The following PARP8 variants were observed in gnomAD, a reference collection of about 807,000 sequenced individuals.
PARP8 encodes the protein protein mono-ADP-ribosyltransferase PARP8.
In PARP8, 51 loss-of-function variants were observed where a neutral mutation model predicts 124.1. The observed-to-expected ratio is 0.41, with a 90% CI of 0.33 to 0.52. The LOEUF (loss-of-function observed/expected upper bound fraction) is 0.52. Ranked by LOEUF, PARP8 falls within the 20% of genes least tolerant of loss-of-function variation. The probability of loss-of-function intolerance (pLI) is 0.21; values close to 1 mark genes in which losing one functional copy is unlikely to be tolerated. For missense variants in PARP8, 860 were observed against 1,018.9 expected (o/e 0.84, Z 2.12); for synonymous variants, 391 against 361.5 (o/e 1.08, Z -0.93).
At chr5:50,762,771 G>T (rs1419204449) in intron 6 of PARP8, among the ~76,000 whole-genome samples, 1 of 152,116 alleles carries the variant, frequency 6.6e-6, no homozygotes, top group Non-Finnish European at 1.5e-5. Context: ...TCCTTTACCA[G>T]TATAACATTT....
chr5:50,802,424 C>T (rs1011516391), intron 14 of PARP8, among the ~76,000 whole-genome samples: 1 of 152,098 alleles, frequency 6.6e-6, no homozygotes, highest in Non-Finnish European at 1.5e-5. Flanking sequence ...AAGTGATCTT[C>T]CTGCTTGCAT....
Position 50,784,486 on chromosome 5 carries a change from C to A in PARP8, c.671-4037C>A, listed in dbSNP as rs138957773. Among the ~76,000 whole-genome samples the A allele has an allele frequency of 3.3e-4, 50 of 152,182 alleles. 1 individual carries two copies. The East Asian group carries it at 7.1e-3, about 22-fold the overall frequency. On this transcript the variant is annotated intron_variant, in intron 9 of 25. Transcript: ENST00000281631. Reference sequence around the variant, plus strand: ...CTAGTTGAAAATGATAAACAACTAACCTTACTTTAAAATGATTTCTGTGCA... The same window carrying A: ...CTAGTTGAAAATGATAAACAACTAAACTTACTTTAAAATGATTTCTGTGCA...
At chr5:50,760,781 G>A (rs1204836169) in intron 5 of PARP8, among the ~76,000 whole-genome samples, 1 of 152,026 alleles carries the variant, frequency 6.6e-6, no homozygotes, top group South Asian at 2.1e-4. Flanking sequence ...TTTTCTGTCA[G>A]TATTTAAAAA....
Position 50,821,334 on chromosome 5 carries a change from C to T in PARP8, c.1790C>T (p.Pro597Leu). The change falls in exon 16 of 26, where the codon CCC (proline) becomes CTC (leucine). Residue 597 changes from proline (P) to leucine (L), a missense_variant. Physicochemically the swap from Pro to Leu is moderately conservative, Grantham distance 98 (BLOSUM62 -3). Transcript: ENST00000281631. ...GATCCTCAGATGTTGGCCTTCAACC[C>T]CAGGGTAAGTTGTTATCATGGCACA... is the stretch of plus-strand genomic sequence containing the variant. ...PNDPQMLAFN[P>L]RKKNYDRVMK... The T allele has an allele frequency of 6.2e-7, 1 of 1,613,882 alleles. No individual in the cohort carries two copies.
chr5:50,771,653 C>G (rs1761641890), intron 7 of PARP8, among the ~76,000 whole-genome samples: 1 of 146,216 alleles, frequency 6.8e-6, no homozygotes, highest in African/African-American at 2.7e-5. Flanking sequence ...GGATTATATT[C>G]TATTACTTGA....
At chr5:50,682,269 T>C (rs191567614) in intron 2 of PARP8, among the ~76,000 whole-genome samples, 4 of 152,276 alleles carry the variant, frequency 2.6e-5, no homozygotes, top group Admixed American at 1.3e-4. Flanking sequence ...CGTGAATCAA[T>C]ACACCTTGGG....
chr5:50,798,100 T>C (rs892533645), intron 14 of PARP8, among the ~76,000 whole-genome samples: 3 of 152,210 alleles, frequency 2.0e-5, no homozygotes, highest in African/African-American at 7.2e-5. Context: ...TCACTTATTA[T>C]AATGTTTTCA....
intron 2 of PARP8, among the ~76,000 whole-genome samples, chr5:50,743,284 T>A (rs1159386879): frequency 1.3e-5 from 2 of 152,180 alleles, no homozygotes; most frequent in African/African-American, 4.8e-5. Flanking sequence ...AGATTGTAGC[T>A]CATAGTGGTG....
intron 14 of PARP8, among the ~76,000 whole-genome samples, chr5:50,804,086 A>G (rs1487432390): frequency 6.6e-6 from 1 of 152,140 alleles, no homozygotes; most frequent in Non-Finnish European, 1.5e-5. Context: ...CCAGAAATAT[A>G]TGTGAGTTTT....
rs1186204563 is a variant in PARP8 at position 50,843,474 on chromosome 5, G to A, written c.*1406G>A. The A allele has an allele frequency of 1.3e-5, 2 of 151,784 alleles. No individual in the cohort carries two copies. Among genetic ancestry groups the A allele is most frequent in the South Asian group, 2.1e-4 (1 of 4,828 alleles). The allele number at this position is 151,784 out of a possible 1,614,324, so 9.4% of individuals were successfully genotyped here. On this transcript the variant is annotated 3_prime_UTR_variant, in exon 26 of 26. Coordinates refer to ENST00000281631, the MANE Select transcript of PARP8 (RefSeq NM_024615.4). ...AAAAGGTGAGAAAAAGGTCATACATGTTGTTAAGGGTAGCAGTTTAGGAAG... is the reference window on the plus strand; with the variant it reads ...AAAAGGTGAGAAAAAGGTCATACATATTGTTAAGGGTAGCAGTTTAGGAAG...
At chr5:50,692,797 C>G (rs1456447654) in intron 2 of PARP8, among the ~76,000 whole-genome samples, 3 of 152,268 alleles carry the variant, frequency 2.0e-5, no homozygotes, top group Non-Finnish European at 4.4e-5. Context: ...TTGAGGCACT[C>G]TGTACCTCCT....
At chr5:50,828,097 A>T in intron 20 of PARP8, 41 bp downstream of exon 20, 2 of 1,426,574 alleles carry the variant, frequency 1.4e-6, no homozygotes, top group Non-Finnish European at 2.0e-6. Flanking sequence ...GCTCCCATTA[A>T]CATTTTCCAG....
intron 2 of PARP8, among the ~76,000 whole-genome samples, chr5:50,694,271 C>A (rs1752796974): frequency 6.6e-6 from 1 of 152,172 alleles, no homozygotes; most frequent in Non-Finnish European, 1.5e-5. Flanking sequence ...CCAGTACTCT[C>A]ATGACTTAGT....
intron 2 of PARP8, among the ~76,000 whole-genome samples, chr5:50,671,402 A>G (rs1749994543): frequency 6.6e-6 from 1 of 152,156 alleles, no homozygotes; most frequent in Admixed American, 6.5e-5. Context: ...GGGCCTGGCC[A>G]TGGACTGCTC....
At chr5:50,696,080 A>C (rs1752993608) in intron 2 of PARP8, among the ~76,000 whole-genome samples, 1 of 152,196 alleles carries the variant, frequency 6.6e-6, no homozygotes, top group Non-Finnish European at 1.5e-5. Flanking sequence ...TTTTGCTTTT[A>C]ATGAAGAAAA....
At position 50,679,155 on chromosome 5, in the gene PARP8, C is replaced by T. The variant is rs148071056; in HGVS notation, c.146+11030C>T. Among the ~76,000 whole-genome samples, 297 of 152,144 alleles carry T rather than the reference C, an allele frequency of 2.0e-3. 3 individuals carry two copies. Among genetic ancestry groups the T allele is most frequent in the African/African-American group, 6.8e-3 (281 of 41,522 alleles). On this transcript the variant is annotated intron_variant, in intron 2 of 25. Transcript: ENST00000281631. ...AAAAAAAATCTACCCTACATATACACAAAAGTTAAAAAGCAGCAATAGTGT... is the reference window on the plus strand; with the variant it reads ...AAAAAAAATCTACCCTACATATACATAAAAGTTAAAAAGCAGCAATAGTGT...
chr5:50,818,193 A>C, intron 15 of PARP8, among the ~76,000 whole-genome samples: 1 of 134,720 alleles, frequency 7.4e-6, no homozygotes, highest in Non-Finnish European at 1.6e-5. Flanking sequence ...CCCCCCCAAA[A>C]AAAAGAAGTC....
Position 50,750,321 on chromosome 5 carries a change from A to C in PARP8, c.184+133A>C, listed in dbSNP as rs569957705. The stretch of plus-strand genomic sequence containing the variant: ...GGTAGAGGAAGCCTTAAAGCTATAG[A>C]AGAATTCTGCTTACTGCCTGCAAAG... On this transcript the variant is annotated intron_variant, in intron 3 of 25. Transcript: ENST00000281631. 4 of 698,872 alleles carry C rather than the reference A, an allele frequency of 5.7e-6. No homozygotes were observed. The Admixed American group carries it at 1.1e-4, about 19-fold the overall frequency. 43.3% of individuals were successfully genotyped at this position (698,872 alleles called of 1,614,324 possible). A position where few individuals can be genotyped will look rare whatever the true frequency, so the allele number is the denominator to read the frequency against.
intron 15 of PARP8, among the ~76,000 whole-genome samples, chr5:50,818,225 T>C (rs1330131563): frequency 7.3e-6 from 1 of 136,728 alleles, no homozygotes; most frequent in Non-Finnish European, 1.5e-5. Flanking sequence ...CTCTTTTTTA[T>C]TTTTTCTTTC....
Sources: gnomAD v4.1 joint callset for allele counts (sites outside exome capture counted in the v4.1 genomes callset) on GRCh38, gnomAD v4.1.1 for gene constraint, MANE v1.5 for transcripts, NCBI Gene and HGNC (gene_info 2026-07-23, HGNC 2026-07-21) for gene names.